The following BARHL1 variants were observed in gnomAD, a reference collection of about 807,000 sequenced individuals.
The protein encoded by BARHL1 is barH-like 1 homeobox protein.
Under a neutral mutation model 20.1 loss-of-function variants are expected in BARHL1, and 2 were observed. The observed-to-expected ratio is 0.10, with a 90% CI of 0.04 to 0.31. The LOEUF (loss-of-function observed/expected upper bound fraction) is 0.31. Among genes scored for constraint, BARHL1 ranks in the 10% least tolerant of loss-of-function variants. The probability of loss-of-function intolerance (pLI) is 1.00; values close to 1 mark genes in which losing one functional copy is unlikely to be tolerated. For missense variants in BARHL1, 397 were observed against 454.0 expected (o/e 0.87, Z 1.14); for synonymous variants, 213 against 209.9 (o/e 1.01, Z -0.13).
chr9:132,588,489 G>A (rs1017275815), intron 2 of BARHL1, among the ~76,000 whole-genome samples: 4 of 152,208 alleles, frequency 2.6e-5, no homozygotes, highest in East Asian at 1.9e-4. Context: ...TGGTGTGGCT[G>A]AGCCCACCTT....
chr9:132,587,031 G>A lies in BARHL1; in HGVS notation c.467-298G>A, dbSNP rs1166533392. On this transcript the variant is annotated intron_variant, in intron 1 of 2. Transcript: ENST00000263610. The surrounding 1 kb of genome is among the most constrained non-coding windows in gnomAD (Gnocchi z 5.5). ...CTCCGTTTATCCCTCCAGGGAGCGC[G>A]GGCAGAGCGCCGAGCGCGGCGCAGG... Among the ~76,000 whole-genome samples, 2 of 152,220 alleles carry A rather than the reference G, an allele frequency of 1.3e-5. No homozygotes were observed. The highest frequency in any genetic ancestry group is 4.8e-5 in the African/African-American group (2 of 41,464).
chr9:132,586,698 C>T (rs1208705327), intron 1 of BARHL1, among the ~76,000 whole-genome samples: 1 of 152,276 alleles, frequency 6.6e-6, no homozygotes, highest in African/African-American at 2.4e-5. Flanking sequence ...GACCCGGAGC[C>T]TTCCGCCCAG....
intron 1 of BARHL1, among the ~76,000 whole-genome samples, chr9:132,586,667 T>TC (rs1310206350): frequency 2.0e-5 from 3 of 152,208 alleles, no homozygotes; most frequent in African/African-American, 7.2e-5. Context: ...TCGCTTATTC[T>TC]CCCAGTGCTC....
In BARHL1 at chr9:132,590,047, T is replaced by G. The variant is rs1044779785; in HGVS notation, c.*525T>G. ...GCAAAGTGTATATGAAGTTATTTATTCGTGACCCATGAGCCCGTGACCGTG... is the reference window on the plus strand; with the variant it reads ...GCAAAGTGTATATGAAGTTATTTATGCGTGACCCATGAGCCCGTGACCGTG... On this transcript the variant is annotated 3_prime_UTR_variant, in exon 3 of 3. Transcript: ENST00000263610. 2 of 153,096 alleles carry G rather than the reference T, an allele frequency of 1.3e-5. No individual in the cohort carries two copies. Among genetic ancestry groups the G allele is most frequent in the Non-Finnish European group, 2.9e-5 (2 of 68,378 alleles). 9.5% of individuals were successfully genotyped at this position (153,096 alleles called of 1,614,324 possible). A position where few individuals can be genotyped will look rare whatever the true frequency, so the allele number is the denominator to read the frequency against.
intron 2 of BARHL1, among the ~76,000 whole-genome samples, chr9:132,588,803 C>T (rs567853666): frequency 6.6e-6 from 1 of 152,126 alleles, no homozygotes; most frequent in African/African-American, 2.4e-5. Flanking sequence ...GAGCACCCCC[C>T]CATCCCCTCA....
At chr9:132,584,147 AAGGAAGGAAGGAAGGAAG>A (rs1311326983) in intron 1 of BARHL1, among the ~76,000 whole-genome samples, 1 of 151,932 alleles carries the variant, frequency 6.6e-6, no homozygotes, top group African/African-American at 2.4e-5. Flanking sequence ...GGAAGGAAGG[AAGGAAGGAAGGAAGGAAG>A]GAAGGGAAAG....
rs1830094853 is a variant in BARHL1 at position 132,583,241 on chromosome 9, C to T, written c.444C>T (p.Ala148=). ...RDKLDKSGSN[A]SSDSEYKVKE... ...AGCTGGACAAAAGTGGCAGCAACGC[C>T]TCATCGGACTCTGAGTATAAAGGTA... The change falls in exon 1 of 3, where the codon GCC becomes GCT. Residue 148 remains alanine (A), a synonymous_variant. Transcript: ENST00000263610. 1 of 1,611,736 alleles carries T rather than the reference C, an allele frequency of 6.2e-7. No individual in the cohort carries two copies. The highest frequency in any genetic ancestry group is 1.7e-5 in the Admixed American group (1 of 59,798).
At position 132,582,886 on chromosome 9, in the gene BARHL1, G is replaced by C; in HGVS notation, c.89G>C (p.Gly30Ala). The C allele has an allele frequency of 6.2e-7, 1 of 1,613,242 alleles. No homozygotes were observed. The highest frequency in any genetic ancestry group is 8.5e-7 in the Non-Finnish European group (1 of 1,179,932). Residue 30 changes from glycine to alanine, a missense_variant, in exon 1 of 3, where the codon GGG (glycine) becomes GCG (alanine). Around this residue, in one of 3 missense-constraint regions of BARHL1, gnomAD observed 272 missense variants for 298.7 expected, o/e 0.91. Transcript: ENST00000263610. ...CTTCCCAAGGGGGACCCCTTGCTCG[G>C]GGACTGCCGTTCGCCCCTGGAGCTG... The part of the protein sequence containing the change: ...PALPKGDPLL[G>A]DCRSPLELSP...
intron 1 of BARHL1, among the ~76,000 whole-genome samples, chr9:132,585,967 C>T (rs1416349111): frequency 1.3e-5 from 2 of 152,260 alleles, no homozygotes; most frequent in African/African-American, 4.8e-5. Flanking sequence ...AGACAGAACT[C>T]AAGTCCCCCT....
At chr9:132,583,364 G>A in intron 1 of BARHL1, 101 bp downstream of exon 1, 1 of 1,070,818 alleles carries the variant, frequency 9.3e-7, no homozygotes, top group East Asian at 2.6e-5. Flanking sequence ...CTCACCTGGG[G>A]GCTCCCCCAG....
Position 132,587,387 on chromosome 9 carries a change from G to T in BARHL1, c.525G>T (p.Leu175=). Residue 175 remains leucine (L), a synonymous_variant, in exon 2 of 3, where the codon CTG becomes CTT. Coordinates refer to ENST00000263610, the MANE Select transcript of BARHL1 (RefSeq NM_020064.4). This position sits in a 1 kb window ranked among gnomAD's most constrained non-coding sequence, Gnocchi z 5.5. ...CCAGGGACAGTCCCCCGGTGCGCCT[G>T]AAAAAGCCACGCAAGGCGCGCACGG... is the stretch of plus-strand genomic sequence containing the variant. ...SSSRDSPPVR[L]KKPRKARTAF... is the part of the protein sequence containing the mutation. 1 of 1,612,184 alleles carries T rather than the reference G, an allele frequency of 6.2e-7. No individual in the cohort carries two copies. The highest frequency in any genetic ancestry group is 8.5e-7 in the Non-Finnish European group (1 of 1,179,654).
At chr9:132,585,139 G>GAGGGCC (rs2119132464) in intron 1 of BARHL1, among the ~76,000 whole-genome samples, 1 of 152,218 alleles carries the variant, frequency 6.6e-6, no homozygotes, top group South Asian at 2.1e-4. Context: ...GGGAGGTGAC[G>GAGGGCC]AGGGCCGGCT....
Position 132,582,849 on chromosome 9 carries a change from G to A in BARHL1, c.52G>A (p.Gly18Ser), listed in dbSNP as rs1830089605. 3 of 1,609,042 alleles carry A rather than the reference G, an allele frequency of 1.9e-6. No individual in the cohort carries two copies. Among genetic ancestry groups the A allele is most frequent in the Admixed American group, 3.3e-5 (2 of 59,910 alleles). ...GIDSILSHRA[G>S]SPALPKGDPL... ...CGACTCCATTCTCTCCCACCGCGCG[G>A]GCAGCCCCGCCCTTCCCAAGGGGGA... Residue 18 changes from glycine to serine, a missense_variant, in exon 1 of 3, where the codon GGC becomes AGC. By Grantham distance (56) the Gly-to-Ser change is moderately conservative (BLOSUM62 0). Coordinates refer to ENST00000263610, the MANE Select transcript of BARHL1 (RefSeq NM_020064.4).
chr9:132,583,448 G>A (rs1048712448), intron 1 of BARHL1, among the ~76,000 whole-genome samples, 185 bp downstream of exon 1: 5 of 152,250 alleles, frequency 3.3e-5, no homozygotes, highest in African/African-American at 1.2e-4. Flanking sequence ...GCAACAAAGA[G>A]TCTGGTGGAG....
In BARHL1 at chr9:132,587,554, G is replaced by A; in HGVS notation, c.689+3G>A. 1 of 1,607,084 alleles carries A rather than the reference G, an allele frequency of 6.2e-7. No individual in the cohort carries two copies. The highest frequency in any genetic ancestry group is 8.5e-7 in the Non-Finnish European group (1 of 1,176,608). On this transcript the variant is annotated splice_donor_region_variant and intron_variant, in intron 2 of 2. Coordinates refer to ENST00000263610, the MANE Select transcript of BARHL1 (RefSeq NM_020064.4). This position sits in a 1 kb window ranked among gnomAD's most constrained non-coding sequence, Gnocchi z 5.5. ...AAGACCTGGTACCAGAACCGCAGGT[G>A]AGGCCTGGCTGCGGGGGTAGAGGCA...
intron 1 of BARHL1, 96 bp downstream of exon 1, chr9:132,583,359 C>T (rs1830096340): frequency 5.3e-6 from 6 of 1,134,092 alleles, no homozygotes; most frequent in Non-Finnish European, 7.4e-6. Context: ...ACTCGCTCAC[C>T]TGGGGGCTCC....
rs768674498 is a variant in BARHL1, at chr9:132,582,751, TG to T, written c.-42del. ...GGGCAGGGGCAGCGGCGGCTGGGGT[TG>T]GGGGTGGGTGGGGAGCTTTTGGGGA... On this transcript the variant is annotated 5_prime_UTR_variant, in exon 1 of 3. Coordinates refer to ENST00000263610, the MANE Select transcript of BARHL1 (RefSeq NM_020064.4). 23 of 1,491,698 alleles carry T rather than the reference TG, an allele frequency of 1.5e-5. No individual in the cohort carries two copies. The highest frequency in any genetic ancestry group is 2.0e-5 in the Non-Finnish European group (22 of 1,101,378). The allele number at this position is 1,491,698 out of a possible 1,614,324, so 92.4% of individuals were successfully genotyped here.
intron 1 of BARHL1, 138 bp downstream of exon 1, chr9:132,583,401 C>G (rs1011991154): frequency 4.2e-6 from 3 of 720,616 alleles, no homozygotes; most frequent in African/African-American, 1.8e-5. Flanking sequence ...TGGTTCTCCT[C>G]AGAACATTTC....
At chr9:132,588,066 A>G (rs1830162414) in intron 2 of BARHL1, among the ~76,000 whole-genome samples, 5 of 152,176 alleles carry the variant, frequency 3.3e-5, no homozygotes, top group Admixed American at 6.5e-5. Context: ...TCTGGTCCCA[A>G]AACCCGAGGG....
Sources: gnomAD v4.1 joint callset for allele counts (sites outside exome capture counted in the v4.1 genomes callset) on GRCh38, gnomAD v4.1.1 for gene constraint, gnomAD v4.1.1 regional missense constraint, Gnocchi (gnomAD v3.1) non-coding constraint, MANE v1.5 for transcripts, NCBI Gene and HGNC (gene_info 2026-07-23, HGNC 2026-07-21) for gene names.